Variants in ME1 observed in about 807,000 individuals in gnomAD.
The protein encoded by ME1 is NADP-dependent malic enzyme.
A neutral mutation model predicts 66.4 loss-of-function variants in ME1; 74 were observed. That is an observed-to-expected ratio of 1.11 (90% confidence interval 0.92 to 1.35). ME1 has a LOEUF of 1.35. Among genes scored for constraint, ME1 ranks in the 40% most tolerant of loss-of-function variants. The pLI, the probability that ME1 is intolerant of heterozygous loss-of-function variation, is 0.00. For missense variants in ME1, 750 were observed against 694.1 expected (o/e 1.08, Z -0.90); for synonymous variants, 251 against 235.6 (o/e 1.07, Z -0.60).
At chr6:83,215,643 G>A (rs950640830) in intron 13 of ME1, among the ~76,000 whole-genome samples, 1 of 152,100 alleles carries the variant, frequency 6.6e-6, no homozygotes, top group Non-Finnish European at 1.5e-5. Context: ...AGGAAATTTG[G>A]ACACACAAGC....
At chr6:83,322,536 A>G (rs1426469499) in intron 5 of ME1, among the ~76,000 whole-genome samples, 1 of 152,160 alleles carries the variant, frequency 6.6e-6, no homozygotes, top group Non-Finnish European at 1.5e-5. Context: ...TGAATCAATC[A>G]AGTAGAAGAG....
chr6:83,348,184 C>T (rs145048433), intron 4 of ME1, among the ~76,000 whole-genome samples: 276 of 152,100 alleles, frequency 1.8e-3, no homozygotes, highest in African/African-American at 6.2e-3. Flanking sequence ...GGAAGCAATC[C>T]GATACTACTG....
chr6:83,411,533 AAC>A (rs1290572499), intron 1 of ME1, among the ~76,000 whole-genome samples: 2 of 152,212 alleles, frequency 1.3e-5, no homozygotes, highest in African/African-American at 4.8e-5. Context: ...TTTTCATACT[AAC>A]AGAGACATAT....
chr6:83,285,870 A>G (rs1355708947), intron 6 of ME1, among the ~76,000 whole-genome samples: 1 of 152,254 alleles, frequency 6.6e-6, no homozygotes, highest in Admixed American at 6.5e-5. Context: ...AGGCGAATGC[A>G]TAATTTTCAA....
At chr6:83,324,804 C>T (rs2128541058) in intron 5 of ME1, among the ~76,000 whole-genome samples, 1 of 150,176 alleles carries the variant, frequency 6.7e-6, no homozygotes, top group Middle Eastern at 3.4e-3. Context: ...GGAGCTGGTA[C>T]CATTCCTTCT....
chr6:83,224,779 AG>A (rs1289350152), intron 11 of ME1, among the ~76,000 whole-genome samples: 1 of 150,486 alleles, frequency 6.6e-6, no homozygotes, highest in Non-Finnish European at 1.5e-5. Context: ...ACTCATTGGC[AG>A]GAGTAGAATT....
Position 83,407,809 on chromosome 6 carries a change from T to A in ME1, c.171A>T (p.Arg57Ser). The stretch of plus-strand genomic sequence containing the variant: ...TCAGATGCTCGAAATTTTTTACTAC[T>A]CTAAGAACCTGGATCTCCTGACTGT... Reference protein sequence around the residue: ...SFNSQEIQVLRVVKNFEHLNS... With the variant: ...SFNSQEIQVLSVVKNFEHLNS... Residue 57 changes from arginine to serine, a missense_variant, in exon 2 of 14, where the codon AGA (arginine) becomes AGT (serine). Transcript: ENST00000369705. The A allele has an allele frequency of 1.2e-6, 2 of 1,611,974 alleles. No individual in the cohort carries two copies. The highest frequency in any genetic ancestry group is 1.7e-6 in the Non-Finnish European group (2 of 1,179,450).
intron 3 of ME1, among the ~76,000 whole-genome samples, chr6:83,395,648 G>C (rs1424877680): frequency 6.6e-6 from 1 of 150,996 alleles, no homozygotes; most frequent in Non-Finnish European, 1.5e-5. Context: ...GCTAATTTTT[G>C]TATTTTTAGT....
At chr6:83,356,694 C>A (rs1407233061) in intron 3 of ME1, among the ~76,000 whole-genome samples, 2 of 152,088 alleles carry the variant, frequency 1.3e-5, no homozygotes, top group African/African-American at 4.8e-5. Flanking sequence ...TCAATATGAT[C>A]ATTAAGTGCA....
chr6:83,321,049 G>A (rs888187396), intron 5 of ME1, among the ~76,000 whole-genome samples: 2 of 152,100 alleles, frequency 1.3e-5, no homozygotes, highest in African/African-American at 4.8e-5. Context: ...GAAGCGCAGG[G>A]GGTTAGGGAA....
intron 6 of ME1, among the ~76,000 whole-genome samples, chr6:83,291,148 T>C (rs1177913753): frequency 6.6e-6 from 1 of 152,200 alleles, no homozygotes. Context: ...ATGTGTGAAT[T>C]TGATCCTGTC....
chr6:83,430,381 A>T (rs1770463489), intron 1 of ME1, among the ~76,000 whole-genome samples: 1 of 152,168 alleles, frequency 6.6e-6, no homozygotes, highest in Non-Finnish European at 1.5e-5. Flanking sequence ...TGCTAACGTG[A>T]TCTGAAGGCA....
chr6:83,221,127 T>G (rs1232374348), intron 12 of ME1, among the ~76,000 whole-genome samples: 1 of 146,806 alleles, frequency 6.8e-6, no homozygotes, highest in Non-Finnish European at 1.5e-5. Flanking sequence ...ACCACTACAC[T>G]CCAGCTTGGC....
chr6:83,351,624 AT>A (rs1768804935), intron 4 of ME1, among the ~76,000 whole-genome samples: 1 of 152,208 alleles, frequency 6.6e-6, no homozygotes, highest in Admixed American at 6.5e-5. Context: ...AAGTACTATT[AT>A]TACTTTTATT....
chr6:83,225,355 C>G (rs1790175607), intron 11 of ME1, among the ~76,000 whole-genome samples: 1 of 151,814 alleles, frequency 6.6e-6, no homozygotes, highest in African/African-American at 2.4e-5. Context: ...ATCAGAAACC[C>G]TAAACAAATA....
At chr6:83,346,774 T>A (rs1768694011) in intron 4 of ME1, among the ~76,000 whole-genome samples, 2 of 152,126 alleles carry the variant, frequency 1.3e-5, no homozygotes, top group African/African-American at 4.8e-5. Context: ...AGTTTATGCA[T>A]CCTGGCCCTA....
intron 12 of ME1, 131 bp from the exon 13 acceptor site, chr6:83,216,727 A>G (rs1313283466): frequency 1.8e-6 from 1 of 569,430 alleles, no homozygotes; most frequent in Admixed American, 3.6e-5. Flanking sequence ...ATGATTACCT[A>G]ATTTCATCCC....
At position 83,212,113 on chromosome 6, in the gene ME1, T is replaced by TATTA; in HGVS notation, c.1549-23_1549-20dup. On this transcript the variant is annotated intron_variant, in intron 13 of 13. Transcript: ENST00000369705. ...TCACAATCTAGATATAAGAAAAGAA[T>TATTA]ATTAATTATTTTAATAAATAGAGGT... 1.3e-6 allele frequency: 2 copies of TATTA among 1,545,404 alleles called. No homozygotes were observed. Among genetic ancestry groups the TATTA allele is most frequent in the Non-Finnish European group, 1.8e-6 (2 of 1,137,698 alleles).
At chr6:83,309,721 A>G (rs765856838) in intron 6 of ME1, among the ~76,000 whole-genome samples, 2 of 152,162 alleles carry the variant, frequency 1.3e-5, no homozygotes, top group Non-Finnish European at 2.9e-5. Flanking sequence ...TTACCAAGGA[A>G]GTGGAGATTA....
Sources: allele counts gnomAD v4.1 joint callset (sites outside exome capture counted in the v4.1 genomes callset), GRCh38; gene constraint gnomAD v4.1.1; transcripts MANE v1.5; gene names NCBI Gene and HGNC (gene_info 2026-07-23, HGNC 2026-07-21).